TMEM232: variants seen among roughly 807,000 people sequenced by gnomAD.
The protein encoded by TMEM232 is transmembrane protein 232.
TMEM232 carries 80 observed loss-of-function variants against 78.8 expected under a neutral mutation model. That is an observed-to-expected ratio of 1.01 (90% CI 0.85 to 1.22). The LOEUF (loss-of-function observed/expected upper bound fraction) is 1.22. TMEM232 is among the 50% of genes most tolerant of loss of function. The pLI is 0.00. For synonymous variants in TMEM232, 297 were observed against 254.3 expected (o/e 1.17, Z -1.60); for missense variants, 881 against 742.2 (o/e 1.19, Z -2.17).
At chr5:110,614,571 T>G (rs879552283) in intron 8 of TMEM232, among the ~76,000 whole-genome samples, 3 of 152,116 alleles carry the variant, frequency 2.0e-5, no homozygotes, top group Non-Finnish European at 4.4e-5. Flanking sequence ...AAGAATTGAA[T>G]TCCACCATTC....
chr5:110,671,990 A>G (rs893644999), intron 1 of TMEM232, among the ~76,000 whole-genome samples: 1 of 152,198 alleles, frequency 6.6e-6, no homozygotes. Flanking sequence ...ATTAGCTTAA[A>G]GCATTTAATG....
At chr5:110,725,146 G>A (rs186754903) in intron 1 of TMEM232, among the ~76,000 whole-genome samples, 83 of 152,286 alleles carry the variant, frequency 5.5e-4, no homozygotes, top group Non-Finnish European at 8.5e-4. Flanking sequence ...AATACATTCT[G>A]TAAAATACTG....
intron 10 of TMEM232, among the ~76,000 whole-genome samples, chr5:110,598,666 G>A (rs1580309171): frequency 6.6e-6 from 1 of 151,868 alleles, no homozygotes; most frequent in Non-Finnish European, 1.5e-5. Context: ...ATACACCATG[G>A]AATACTATGC....
chr5:110,539,338 C>T (rs866112004), intron 11 of TMEM232, among the ~76,000 whole-genome samples: 3 of 152,224 alleles, frequency 2.0e-5, no homozygotes, highest in African/African-American at 7.2e-5. Flanking sequence ...CCCATCTTAC[C>T]CATTCTAAAG....
intron 11 of TMEM232, among the ~76,000 whole-genome samples, chr5:110,546,989 AC>A (rs946754027): frequency 4.6e-5 from 7 of 152,094 alleles, no homozygotes; most frequent in Admixed American, 1.3e-4. Flanking sequence ...AGAAAAAAAA[AC>A]ACCTCAAATG....
intron 10 of TMEM232, among the ~76,000 whole-genome samples, chr5:110,601,753 T>C (rs1411828089): frequency 6.6e-6 from 1 of 152,188 alleles, no homozygotes; most frequent in Non-Finnish European, 1.5e-5. Flanking sequence ...ACTATTCCCA[T>C]CAAGCTACCA....
chr5:110,410,955 T>C (rs1302492168), intron 2 of TMEM232, among the ~76,000 whole-genome samples: 1 of 152,160 alleles, frequency 6.6e-6, no homozygotes, highest in South Asian at 2.1e-4. Flanking sequence ...CAGGACATTA[T>C]GTTAAGAATC....
chr5:110,524,814 A>G (rs1272631894), intron 12 of TMEM232, among the ~76,000 whole-genome samples: 1 of 152,076 alleles, frequency 6.6e-6, no homozygotes, highest in Non-Finnish European at 1.5e-5. Context: ...TTATATATTT[A>G]GATGCTCTTA....
At chr5:110,664,988 G>C (rs375582741) in intron 2 of TMEM232, among the ~76,000 whole-genome samples, 1 of 152,080 alleles carries the variant, frequency 6.6e-6, no homozygotes, top group East Asian at 1.9e-4. Flanking sequence ...TTTGCTATGA[G>C]ATTATACTCT....
At chr5:110,641,641 A>C (rs905477323) in intron 3 of TMEM232, among the ~76,000 whole-genome samples, 1 of 152,170 alleles carries the variant, frequency 6.6e-6, no homozygotes, top group African/African-American at 2.4e-5. Context: ...CACCACTACA[A>C]CACCACAAAA....
chr5:110,502,363 T>C (rs1271326571), intron 12 of TMEM232, among the ~76,000 whole-genome samples: 2 of 152,124 alleles, frequency 1.3e-5, no homozygotes, highest in Non-Finnish European at 2.9e-5. Flanking sequence ...GAAGGACAAA[T>C]TTTTCAGTCA....
chr5:110,484,302 G>C (rs1040047023), intron 12 of TMEM232, among the ~76,000 whole-genome samples: 4 of 151,796 alleles, frequency 2.6e-5, no homozygotes, highest in African/African-American at 4.8e-5. Context: ...CTGAACCTAA[G>C]AGTAAGAAAA....
chr5:110,453,537 A>C (rs1417773405), intron 12 of TMEM232, among the ~76,000 whole-genome samples: 2 of 151,940 alleles, frequency 1.3e-5, no homozygotes, highest in East Asian at 3.9e-4. Flanking sequence ...CCTGGACCTC[A>C]TGATCCGCCT....
Position 110,489,643 on chromosome 5 carries a change from G to A in TMEM232, c.1703+38945C>T, listed in dbSNP as rs187219371. ...TGCTACTTCTATTCAATATTGTACT[G>A]GAGGTTCTAGCCTGGCAATCAGGCA... On this transcript the variant is annotated intron_variant, in intron 12 of 13. Coordinates refer to ENST00000455884, the MANE Select transcript of TMEM232 (RefSeq NM_001039763.4). Among the ~76,000 whole-genome samples, 152 of 152,186 alleles carry A rather than the reference G, an allele frequency of 1.0e-3. 1 individual carries two copies. Among genetic ancestry groups the A allele is most frequent in the Non-Finnish European group, 1.7e-3 (113 of 67,998 alleles).
At chr5:110,575,112 G>A (rs552916644) in intron 10 of TMEM232, among the ~76,000 whole-genome samples, 17 of 151,894 alleles carry the variant, frequency 1.1e-4, no homozygotes, top group African/African-American at 4.1e-4. Flanking sequence ...AGAATTCTAG[G>A]ACACTATTTT....
rs1483741258 is a variant in TMEM232 at position 110,606,144 on chromosome 5, A to C, written c.1026+20T>G. 27 of 1,530,044 alleles carry C rather than the reference A, an allele frequency of 1.8e-5. No individual in the cohort carries two copies. The highest frequency in any genetic ancestry group is 2.4e-5 in the Non-Finnish European group (27 of 1,133,922). The allele number at this position is 1,530,044 out of a possible 1,614,324, so 94.8% of individuals were successfully genotyped here. Reference sequence around the variant, plus strand: ...TGTTTCTCTTCGGTTCTCTTTTCACATATAAATTAGCAATGTTACCTGATT... The same window carrying C: ...TGTTTCTCTTCGGTTCTCTTTTCACCTATAAATTAGCAATGTTACCTGATT... On this transcript the variant is annotated intron_variant, in intron 9 of 13. Transcript: ENST00000455884.
At chr5:110,600,714 C>G (rs878872356) in intron 10 of TMEM232, among the ~76,000 whole-genome samples, 1 of 152,118 alleles carries the variant, frequency 6.6e-6, no homozygotes, top group Non-Finnish European at 1.5e-5. Flanking sequence ...GGAATCACAG[C>G]CGAATTCTAC....
intron 11 of TMEM232, among the ~76,000 whole-genome samples, chr5:110,558,501 A>G (rs1775371853): frequency 6.6e-6 from 1 of 152,108 alleles, no homozygotes; most frequent in South Asian, 2.1e-4. Flanking sequence ...GTGGTGCCTC[A>G]GGGAAGCACC....
At chr5:110,486,915 C>T (rs1464584744) in intron 12 of TMEM232, among the ~76,000 whole-genome samples, 3 of 151,656 alleles carry the variant, frequency 2.0e-5, no homozygotes, top group East Asian at 3.9e-4. Context: ...GCAGTCTGGT[C>T]GTTTTCATAA....
Sources: gnomAD v4.1 joint callset for allele counts (sites outside exome capture counted in the v4.1 genomes callset) on GRCh38, gnomAD v4.1.1 for gene constraint, MANE v1.5 for transcripts, NCBI Gene and HGNC (gene_info 2026-07-23, HGNC 2026-07-21) for gene names.